Variants in DISP1 observed in about 807,000 individuals in gnomAD.
The protein encoded by DISP1 is protein dispatched homolog 1.
A neutral mutation model predicts 37.3 loss-of-function variants in DISP1; 30 were observed. The observed-to-expected ratio is 0.80, with a 90% CI of 0.60 to 1.09. The LOEUF (loss-of-function observed/expected upper bound fraction) is 1.09. Among genes scored for constraint, DISP1 ranks in the 50% least tolerant of loss-of-function variants. The pLI is 0.00. For missense variants in DISP1, 1,598 were observed against 1,879.5 expected (o/e 0.85, Z 2.77); for synonymous variants, 634 against 690.2 (o/e 0.92, Z 1.28).
At chr1:222,968,276 G>A (rs1676658461) in intron 3 of DISP1, among the ~76,000 whole-genome samples, 2 of 151,988 alleles carry the variant, frequency 1.3e-5, no homozygotes, top group Non-Finnish European at 2.9e-5. Context: ...CTCCCCTTCA[G>A]GAAATGAGGA....
intron 4 of DISP1, 28 bp downstream of exon 4, chr1:222,983,137 A>T: frequency 6.4e-7 from 1 of 1,552,418 alleles, no homozygotes. Context: ...ATCTTATTAA[A>T]TAATAAACTT....
intron 1 of DISP1, among the ~76,000 whole-genome samples, chr1:222,873,934 G>A (rs1312547128): frequency 1.3e-5 from 2 of 152,020 alleles, no homozygotes; most frequent in Non-Finnish European, 2.9e-5. Context: ...TCCATGTTTA[G>A]TGCTTCCTTC....
intron 3 of DISP1, among the ~76,000 whole-genome samples, chr1:222,943,890 C>T (rs936786706): frequency 7.9e-5 from 12 of 151,930 alleles, no homozygotes; most frequent in Non-Finnish European, 1.2e-4. Flanking sequence ...ATTAGCTGGG[C>T]GTGGTGGTGC....
intron 1 of DISP1, among the ~76,000 whole-genome samples, chr1:222,864,863 A>T (rs1259689725): frequency 6.6e-6 from 1 of 152,192 alleles, no homozygotes; most frequent in African/African-American, 2.4e-5. Flanking sequence ...AATGACTAGA[A>T]ATTTCTGATA....
intron 2 of DISP1, among the ~76,000 whole-genome samples, chr1:222,931,495 C>A (rs1038325846): frequency 1.3e-5 from 2 of 151,780 alleles, no homozygotes; most frequent in African/African-American, 4.8e-5. Context: ...TTAGTTGAGA[C>A]AAAATAGTTT....
intron 3 of DISP1, among the ~76,000 whole-genome samples, chr1:222,952,578 G>T (rs756969181): frequency 6.6e-6 from 1 of 152,270 alleles, no homozygotes; most frequent in African/African-American, 2.4e-5. Flanking sequence ...ACAGCTGTGC[G>T]CAGTGGCTCA....
intron 3 of DISP1, among the ~76,000 whole-genome samples, chr1:222,976,371 G>C (rs1239437429): frequency 6.6e-6 from 1 of 152,000 alleles, no homozygotes; most frequent in East Asian, 1.9e-4. Context: ...CCTTTCACAG[G>C]TGTTTCTGGT....
intron 1 of DISP1, among the ~76,000 whole-genome samples, chr1:222,850,256 C>T (rs1001428439): frequency 6.6e-6 from 1 of 152,052 alleles, no homozygotes; most frequent in Non-Finnish European, 1.5e-5. Context: ...TTTTGCTAAC[C>T]CTCTTGATTA....
chr1:222,942,022 T>C (rs1208106028), intron 2 of DISP1, among the ~76,000 whole-genome samples: 1 of 148,790 alleles, frequency 6.7e-6, no homozygotes, highest in Non-Finnish European at 1.5e-5. Flanking sequence ...TGTTTGTTGA[T>C]TGGACACACT....
intron 1 of DISP1, among the ~76,000 whole-genome samples, chr1:222,836,103 G>A (rs1028506706): frequency 6.6e-6 from 1 of 152,118 alleles, no homozygotes; most frequent in Non-Finnish European, 1.5e-5. Context: ...TTTATTTTCT[G>A]AGGGCACACT....
At chr1:222,993,663 C>G (rs1055327393) in intron 7 of DISP1, among the ~76,000 whole-genome samples, 2 of 152,180 alleles carry the variant, frequency 1.3e-5, no homozygotes, top group African/African-American at 4.8e-5. Context: ...AAATTGAACT[C>G]TGGTTACTTG....
intron 4 of DISP1, among the ~76,000 whole-genome samples, chr1:222,986,149 G>A (rs530722199): frequency 7.8e-4 from 119 of 152,208 alleles, no homozygotes; most frequent in African/African-American, 2.8e-3. Flanking sequence ...AGTCATGAGA[G>A]CAAAAGCCAG....
At chr1:222,869,237 A>G (rs1160520584) in intron 1 of DISP1, among the ~76,000 whole-genome samples, 1 of 152,176 alleles carries the variant, frequency 6.6e-6, no homozygotes, top group East Asian at 1.9e-4. Context: ...GATCACAGGT[A>G]CTAATAAAAG....
intron 1 of DISP1, among the ~76,000 whole-genome samples, chr1:222,856,319 A>T (rs892715769): frequency 1.3e-5 from 2 of 152,196 alleles, no homozygotes; most frequent in Non-Finnish European, 1.5e-5. Context: ...TTCATTACTA[A>T]TCCAGGTATG....
chr1:222,975,633 C>T (rs1572671139), intron 3 of DISP1, among the ~76,000 whole-genome samples: 1 of 152,150 alleles, frequency 6.6e-6, no homozygotes, highest in Non-Finnish European at 1.5e-5. Flanking sequence ...CTTGGTACCT[C>T]CCACTCTCCC....
chr1:222,916,274 G>A (rs1672489643), intron 1 of DISP1, among the ~76,000 whole-genome samples: 3 of 152,170 alleles, frequency 2.0e-5, no homozygotes, highest in Admixed American at 6.5e-5. Flanking sequence ...CGCTTGATAT[G>A]AGCATTGGGA....
At chr1:222,876,850 T>C (rs1287150000) in intron 1 of DISP1, among the ~76,000 whole-genome samples, 1 of 152,226 alleles carries the variant, frequency 6.6e-6, no homozygotes, top group Non-Finnish European at 1.5e-5. Context: ...AACTCCATTG[T>C]ACTTGTAATG....
At chr1:222,978,354 C>T (rs1028137260) in intron 3 of DISP1, among the ~76,000 whole-genome samples, 2 of 152,006 alleles carry the variant, frequency 1.3e-5, no homozygotes, top group Non-Finnish European at 2.9e-5. Context: ...CCTTCGCCCA[C>T]TTTTTGATGG....
chr1:222,870,405 A>G (rs1435936978), intron 1 of DISP1, among the ~76,000 whole-genome samples: 1 of 152,214 alleles, frequency 6.6e-6, no homozygotes, highest in African/African-American at 2.4e-5. Context: ...CAGTCCCACC[A>G]ACAGTGTAAA....
Sources: gnomAD v4.1 joint callset for allele counts (sites outside exome capture counted in the v4.1 genomes callset) on GRCh38, gnomAD v4.1.1 for gene constraint, MANE v1.5 for transcripts, NCBI Gene and HGNC (gene_info 2026-07-23, HGNC 2026-07-21) for gene names.